Variants in PRIM2 observed in about 807,000 individuals in gnomAD.
PRIM2 encodes the protein DNA primase large subunit.
Under a neutral mutation model 67.3 loss-of-function variants are expected in PRIM2, and 39 were observed. The observed-to-expected ratio is 0.58, with a 90% confidence interval of 0.45 to 0.76. PRIM2 has a LOEUF of 0.76. Ranked by LOEUF, PRIM2 falls within the 30% of genes least tolerant of loss-of-function variation. The probability of loss-of-function intolerance (pLI) is 0.00; values close to 1 mark genes in which losing one functional copy is unlikely to be tolerated. For missense variants in PRIM2, 398 were observed against 598.7 expected, an observed-to-expected ratio of 0.66 and a Z score of 3.50; for synonymous variants, 143 against 198.7, an observed-to-expected ratio of 0.72 and a Z score of 2.36.
At chr6:57,327,426 C>T (rs983312025) in intron 5 of PRIM2, among the ~76,000 whole-genome samples, 1 of 152,134 alleles carries the variant, frequency 6.6e-6, no homozygotes, top group Non-Finnish European at 1.5e-5. Flanking sequence ...TAGCAAGGAA[C>T]ACTATGGAGT....
At chr6:57,627,350 T>A (rs1387148772) in intron 12 of PRIM2, among the ~76,000 whole-genome samples, 33 of 117,346 alleles carry the variant, frequency 2.8e-4, no homozygotes, top group Admixed American at 8.9e-5. Context: ...ATTACCAAAA[T>A]ATTGTAGTTT....
chr6:57,318,647 T>TA, intron 2 of PRIM2, 48 bp downstream of exon 2: 1 of 1,417,090 alleles, frequency 7.1e-7, no homozygotes, highest in Non-Finnish European at 9.7e-7. Flanking sequence ...GAAGCTCACT[T>TA]ACCCTTTGTG....
intron 12 of PRIM2, among the ~76,000 whole-genome samples, chr6:57,617,048 TA>T (rs1408956221): frequency 1.3e-5 from 2 of 152,242 alleles, no homozygotes; most frequent in African/African-American, 2.4e-5. Context: ...TGGGTGACTT[TA>T]AAAATTTATC....
intron 8 of PRIM2, among the ~76,000 whole-genome samples, chr6:57,532,168 AGTG>A (rs1238280502): frequency 6.6e-6 from 1 of 152,224 alleles, no homozygotes; most frequent in Non-Finnish European, 1.5e-5. Context: ...AAAAAATGGA[AGTG>A]GTGCTCTAGA....
chr6:57,328,079 T>C (rs1018804160), intron 5 of PRIM2, among the ~76,000 whole-genome samples: 1 of 152,220 alleles, frequency 6.6e-6, no homozygotes, highest in African/African-American at 2.4e-5. Context: ...GCTCACCTCC[T>C]GTGCAGCCTG....
chr6:57,259,260 G>A, the PRIM2 span, among the ~76,000 whole-genome samples: 2 of 152,148 alleles, frequency 1.3e-5, no homozygotes, highest in Non-Finnish European at 2.9e-5. Context: ...TAGTATCTTT[G>A]AGTCATCTTG....
At chr6:57,417,895 A>C (rs1302522625) in intron 7 of PRIM2, among the ~76,000 whole-genome samples, 2 of 150,394 alleles carry the variant, frequency 1.3e-5, no homozygotes, top group African/African-American at 4.8e-5. Context: ...TGGTGAAATG[A>C]GGTATGCTTG....
At chr6:57,351,609 C>T (rs1768858798) in intron 5 of PRIM2, among the ~76,000 whole-genome samples, 1 of 151,220 alleles carries the variant, frequency 6.6e-6, no homozygotes, top group African/African-American at 2.4e-5. Flanking sequence ...GTATAGAGGA[C>T]AAGAGTAGTG....
chr6:57,411,723 A>G (rs1173903977), intron 7 of PRIM2, among the ~76,000 whole-genome samples: 3 of 152,128 alleles, frequency 2.0e-5, no homozygotes, highest in Admixed American at 6.5e-5. Flanking sequence ...TTTTTTATAT[A>G]TTACTGAATT....
the PRIM2 span, among the ~76,000 whole-genome samples, chr6:57,253,997 A>G: frequency 6.6e-6 from 1 of 152,226 alleles, no homozygotes; most frequent in Admixed American, 6.5e-5. Context: ...GCTGTTGCTC[A>G]GCTGTCTGCA....
chr6:57,404,546 A>C (rs1770818283), intron 7 of PRIM2, among the ~76,000 whole-genome samples: 1 of 151,292 alleles, frequency 6.6e-6, no homozygotes, highest in Non-Finnish European at 1.5e-5. Flanking sequence ...TATACCTGAT[A>C]ATATGTGTGA....
chr6:57,505,873 G>C (rs2127459200), intron 7 of PRIM2, among the ~76,000 whole-genome samples: 1 of 152,154 alleles, frequency 6.6e-6, no homozygotes, highest in East Asian at 1.9e-4. Context: ...AGCCCACTCT[G>C]TCTGCTCTGT....
At chr6:57,591,490 G>A (rs1399390485) in intron 10 of PRIM2, among the ~76,000 whole-genome samples, 1 of 152,048 alleles carries the variant, frequency 6.6e-6, no homozygotes, top group Non-Finnish European at 1.5e-5. Context: ...TAAATTCTGG[G>A]CACTGGTGAG....
intron 8 of PRIM2, among the ~76,000 whole-genome samples, chr6:57,529,368 A>G (rs1160294417): frequency 2.6e-5 from 4 of 152,182 alleles, no homozygotes; most frequent in South Asian, 4.1e-4. Context: ...GCCTACTGCC[A>G]TTCCCAATGC....
intron 12 of PRIM2, among the ~76,000 whole-genome samples, chr6:57,631,380 A>G (rs1268381287): frequency 3.3e-5 from 5 of 152,132 alleles, no homozygotes; most frequent in African/African-American, 9.7e-5. Context: ...GGGGGAGGCA[A>G]TGAAACTTTA....
At chr6:57,465,995 C>T (rs139912722) in intron 7 of PRIM2, among the ~76,000 whole-genome samples, 2,023 of 151,896 alleles carry the variant, frequency 0.013, 44 homozygotes, top group African/African-American at 0.045. Context: ...TGACAGGCCC[C>T]GGTGTGTGAT....
At chr6:57,349,775 A>G (rs1442662143) in intron 5 of PRIM2, among the ~76,000 whole-genome samples, 3 of 151,952 alleles carry the variant, frequency 2.0e-5, no homozygotes, top group Admixed American at 2.0e-4. Flanking sequence ...TTTCTTTTTT[A>G]ACACTTTTCT....
At chr6:57,547,220 T>C (rs1169122988) in intron 10 of PRIM2, among the ~76,000 whole-genome samples, 1 of 152,152 alleles carries the variant, frequency 6.6e-6, no homozygotes, top group Non-Finnish European at 1.5e-5. Flanking sequence ...GCAAGAGATA[T>C]AAAATCAAAC....
intron 12 of PRIM2, among the ~76,000 whole-genome samples, chr6:57,619,937 C>T (rs1386385006): frequency 2.8e-4 from 42 of 152,166 alleles, no homozygotes; most frequent in Non-Finnish European, 3.1e-4. Context: ...TGGCTCACAC[C>T]TGTAATCCCA....
Sources: gnomAD v4.1 joint callset for allele counts (sites outside exome capture counted in the v4.1 genomes callset) on GRCh38, gnomAD v4.1.1 for gene constraint, MANE v1.5 for transcripts, NCBI Gene and HGNC (gene_info 2026-07-23, HGNC 2026-07-21) for gene names.